The following FOCAD variants were observed in gnomAD, a reference collection of about 807,000 sequenced individuals.
The protein encoded by FOCAD is focadhesin.
A neutral mutation model predicts 225.6 loss-of-function variants in FOCAD; 198 were observed. The observed-to-expected ratio is 0.88, with a 90% CI of 0.78 to 0.99. FOCAD has a LOEUF of 0.99. FOCAD is among the 50% of genes least tolerant of loss of function. FOCAD has a pLI of 0.00. For synonymous variants in FOCAD, 897 were observed against 755.0 expected (o/e 1.19, Z -3.08); for missense variants, 2,713 against 2,123.6 (o/e 1.28, Z -5.46).
chr9:20,917,956 C>T (rs764718391), intron 24 of FOCAD, among the ~76,000 whole-genome samples: 30 of 152,254 alleles, frequency 2.0e-4, no homozygotes, highest in Non-Finnish European at 4.1e-4. Context: ...TGACTCAGTC[C>T]TATGGAAGGC....
intron 5 of FOCAD, 92 bp from the exon 6 acceptor site, chr9:20,757,998 G>A (rs1392019674): frequency 3.1e-6 from 2 of 635,096 alleles, no homozygotes; most frequent in Middle Eastern, 2.7e-4. Flanking sequence ...GTCTCTAGAT[G>A]GTAGGTACTG....
chr9:20,760,221 C>T (rs1829455301), intron 6 of FOCAD, among the ~76,000 whole-genome samples: 2 of 152,220 alleles, frequency 1.3e-5, no homozygotes, highest in South Asian at 2.1e-4. Context: ...ACTGCACTTG[C>T]AGTGCATGGG....
intron 4 of FOCAD, among the ~76,000 whole-genome samples, chr9:20,729,257 A>G (rs1413889616): frequency 1.3e-5 from 2 of 152,170 alleles, no homozygotes; most frequent in African/African-American, 2.4e-5. Context: ...AATCTGTTCT[A>G]TGCCTTTCTA....
chr9:20,723,748 GA>G lies in FOCAD; in HGVS notation c.287+3220del, dbSNP rs569926660. 3.5e-3 allele frequency among the ~76,000 whole-genome samples: 535 copies of G among 152,244 alleles called. 5 individuals carry two copies. The highest frequency in any genetic ancestry group is 5.4e-3 in the Non-Finnish European group (368 of 68,004). ...GTATTCTTTAGTTTGCATTTTCAGT[GA>G]AAAAATATATCTTGGAGCTTGTATT... On this transcript the variant is annotated intron_variant, in intron 4 of 43. Transcript: ENST00000338382.
At chr9:20,824,871 GTAAAT>G (rs1157466962) in intron 15 of FOCAD, among the ~76,000 whole-genome samples, 44 of 152,116 alleles carry the variant, frequency 2.9e-4, no homozygotes, top group African/African-American at 1.1e-3. Flanking sequence ...TGTCTAGAAA[GTAAAT>G]TATTTTATCG....
intron 2 of FOCAD, among the ~76,000 whole-genome samples, chr9:20,670,429 G>C (rs1395425348): frequency 6.6e-6 from 1 of 152,156 alleles, no homozygotes; most frequent in African/African-American, 2.4e-5. Flanking sequence ...TGCATGGCTG[G>C]GGAGGCCTCA....
intron 29 of FOCAD, 99 bp from the exon 30 acceptor site, chr9:20,946,602 T>TA: frequency 7.5e-7 from 1 of 1,340,110 alleles, no homozygotes; most frequent in Non-Finnish European, 1.0e-6. Flanking sequence ...ATCCAATTCT[T>TA]ACTCTGGGGG....
chr9:20,863,665 A>T (rs946745626), intron 16 of FOCAD: 1 of 152,130 alleles, frequency 6.6e-6, no homozygotes, highest in African/African-American at 2.4e-5. Context: ...GTGAGTATAC[A>T]GTTCACCAAC....
intron 2 of FOCAD, among the ~76,000 whole-genome samples, chr9:20,670,504 A>G (rs1338788586): frequency 1.3e-5 from 2 of 152,168 alleles, no homozygotes; most frequent in African/African-American, 2.4e-5. Context: ...GCAGCAGGAG[A>G]GAGAATAGAG....
chr9:20,667,570 A>G (rs906943656), intron 2 of FOCAD, among the ~76,000 whole-genome samples: 3 of 152,222 alleles, frequency 2.0e-5, no homozygotes, highest in Non-Finnish European at 2.9e-5. Context: ...TAATGCTGCA[A>G]TATTAGCCTG....
At chr9:20,948,111 A>G (rs375856775) in intron 30 of FOCAD, among the ~76,000 whole-genome samples, 160 bp from the exon 31 acceptor site, 3 of 130,970 alleles carry the variant, frequency 2.3e-5, no homozygotes, top group African/African-American at 7.8e-5. Context: ...AAAAAAAACA[A>G]AAAACAAAAA....
intron 2 of FOCAD, among the ~76,000 whole-genome samples, chr9:20,668,607 A>G (rs754249425): frequency 1.3e-5 from 2 of 152,216 alleles, no homozygotes; most frequent in Admixed American, 6.5e-5. Flanking sequence ...TGGTATGATT[A>G]CAGGGCATGA....
chr9:20,838,440 T>TA (rs1165505094), intron 15 of FOCAD, among the ~76,000 whole-genome samples: 2 of 152,144 alleles, frequency 1.3e-5, no homozygotes, highest in African/African-American at 4.8e-5. Context: ...TGCCTCTACT[T>TA]ATGTAAATTG....
At chr9:20,880,866 T>A (rs1163797689) in intron 19 of FOCAD, among the ~76,000 whole-genome samples, 1 of 152,208 alleles carries the variant, frequency 6.6e-6, no homozygotes, top group Non-Finnish European at 1.5e-5. Context: ...AGCTTTAATG[T>A]TTTTTGTTTT....
At chr9:20,817,341 C>T (rs539411584) in intron 11 of FOCAD, among the ~76,000 whole-genome samples, 1 of 152,042 alleles carries the variant, frequency 6.6e-6, no homozygotes, top group Non-Finnish European at 1.5e-5. Flanking sequence ...AACCCCATGC[C>T]CATAAGACGT....
rs80335372 is a variant in FOCAD, at chr9:20,711,156, G to A, written c.-32-4166G>A. 3.8e-3 allele frequency among the ~76,000 whole-genome samples: 585 copies of A among 152,332 alleles called. 4 individuals carry two copies. The highest frequency in any genetic ancestry group is 0.013 in the African/African-American group (548 of 41,580). ...CTGTTAGATGTAGCTAGTTGGAAGA[G>A]GCTTAACAGAGATGTGCTATGAAAG... On this transcript the variant is annotated intron_variant, in intron 1 of 43. Coordinates refer to ENST00000338382, the MANE Select transcript of FOCAD (RefSeq NM_001375567.1).
chr9:20,753,235 G>A (rs1828732024), intron 5 of FOCAD, among the ~76,000 whole-genome samples: 2 of 150,964 alleles, frequency 1.3e-5, no homozygotes, highest in South Asian at 2.1e-4. Flanking sequence ...CCTGTCTTGT[G>A]CCAGTTTTCA....
chr9:20,887,646 C>T (rs902599046), intron 21 of FOCAD, among the ~76,000 whole-genome samples: 5 of 152,216 alleles, frequency 3.3e-5, no homozygotes, highest in Non-Finnish European at 7.3e-5. Flanking sequence ...TATAAACATT[C>T]TCATACAGAT....
At chr9:20,768,503 T>A (rs1442889563) in intron 7 of FOCAD, among the ~76,000 whole-genome samples, 1 of 151,766 alleles carries the variant, frequency 6.6e-6, no homozygotes, top group Non-Finnish European at 1.5e-5. Context: ...TTTATTTCCT[T>A]GAGCAGTGGT....
Sources: gnomAD v4.1 joint callset for allele counts (sites outside exome capture counted in the v4.1 genomes callset) on GRCh38, gnomAD v4.1.1 for gene constraint, MANE v1.5 for transcripts, NCBI Gene and HGNC (gene_info 2026-07-23, HGNC 2026-07-21) for gene names.